Variants in SMIM35 observed in about 807,000 individuals in gnomAD.
SMIM35 encodes small integral membrane protein 35, also known as TMPRSS4 antisense RNA 1 (non-protein coding).
Position 118,005,424 on chromosome 11 carries a change from T to C in SMIM35, c.*986A>G, listed in dbSNP as rs2058116156. 1 of 152,268 alleles carries C rather than the reference T, an allele frequency of 6.6e-6. No individual in the cohort carries two copies. 9.4% of individuals were successfully genotyped at this position (152,268 alleles called of 1,614,324 possible). On this transcript the variant is annotated 3_prime_UTR_variant, in exon 5 of 5. Transcript: ENST00000689828. ...CCTTTAAGTGTTATCTGGATGCTGG[T>C]GGCTTCCAAATGTCCAAACAGGGTT...
chr11:118,016,399 AG>A (rs2058183478), intron 1 of SMIM35, among the ~76,000 whole-genome samples: 1 of 152,240 alleles, frequency 6.6e-6, no homozygotes, highest in African/African-American at 2.4e-5. Flanking sequence ...GAGATGAGAT[AG>A]GCCATGGTAG....
intron 4 of SMIM35, among the ~76,000 whole-genome samples, chr11:118,007,528 G>A (rs568983866): frequency 1.3e-5 from 2 of 151,734 alleles, no homozygotes; most frequent in South Asian, 2.1e-4. Flanking sequence ...CCCAAATAGT[G>A]GGGGCTACAG....
intron 1 of SMIM35, among the ~76,000 whole-genome samples, chr11:118,045,213 G>C (rs185844350): frequency 3.2e-4 from 49 of 152,214 alleles, no homozygotes; most frequent in African/African-American, 1.2e-3. Flanking sequence ...TCTCCAGCTG[G>C]AATCAAGAAT....
At position 118,005,869 on chromosome 11, in the gene SMIM35, T is replaced by A. The variant is rs1482027796; in HGVS notation, c.*541A>T. ...AGAGCTGCATGGGCTCCCCCAGAAC[T>A]GGAGGAGCTGGGCAGTAAGCAGATG... On this transcript the variant is annotated 3_prime_UTR_variant, in exon 5 of 5. Coordinates refer to ENST00000689828, the MANE Select transcript of SMIM35 (RefSeq NM_001394165.1). 6.6e-6 allele frequency: 1 copy of A among 152,292 alleles called. No homozygotes were observed. Among genetic ancestry groups the A allele is most frequent in the East Asian group, 1.9e-4 (1 of 5,188 alleles). The allele number at this position is 152,292 out of a possible 1,614,324, so 9.4% of individuals were successfully genotyped here.
At chr11:118,085,566 A>G (rs1188246867) in intron 1 of SMIM35, among the ~76,000 whole-genome samples, 1 of 152,214 alleles carries the variant, frequency 6.6e-6, no homozygotes, top group Non-Finnish European at 1.5e-5. Context: ...GAAAGATGGT[A>G]TAAACTCTGT....
intron 1 of SMIM35, among the ~76,000 whole-genome samples, chr11:118,054,161 TTTGTTTTG>T (rs1275519856): frequency 5.2e-5 from 6 of 115,214 alleles, no homozygotes; most frequent in Non-Finnish European, 9.5e-5. Context: ...TTGGGATTTT[TTTGTTTTG>T]TTTTTTTGTT....
chr11:118,074,652 C>T (rs1046641792), intron 1 of SMIM35, among the ~76,000 whole-genome samples: 1 of 150,774 alleles, frequency 6.6e-6, no homozygotes, highest in Non-Finnish European at 1.5e-5. Context: ...GGGACTGAGG[C>T]GGGGGAATCC....
chr11:118,030,903 A>G (rs2058313650), intron 1 of SMIM35, among the ~76,000 whole-genome samples: 1 of 152,096 alleles, frequency 6.6e-6, no homozygotes, highest in Admixed American at 6.5e-5. Context: ...AAGAAAGGCC[A>G]TGATGGTGCA....
At chr11:118,048,983 G>A (rs1944162332) in intron 1 of SMIM35, among the ~76,000 whole-genome samples, 1 of 125,566 alleles carries the variant, frequency 8.0e-6, no homozygotes, top group African/African-American at 3.1e-5. Context: ...AAACGATGAT[G>A]ATTTTGCCAA....
At chr11:118,081,688 G>A (rs894827289) in intron 1 of SMIM35, among the ~76,000 whole-genome samples, 1 of 152,218 alleles carries the variant, frequency 6.6e-6, no homozygotes, top group Admixed American at 6.5e-5. Context: ...CCGCTGGTGC[G>A]GTTGAGCCAA....
At chr11:118,081,606 G>A (rs1048725912) in intron 1 of SMIM35, among the ~76,000 whole-genome samples, 4 of 152,346 alleles carry the variant, frequency 2.6e-5, no homozygotes, top group East Asian at 1.9e-4. Context: ...CCAGGCGTGC[G>A]CACCTGTCCA....
intron 4 of SMIM35, among the ~76,000 whole-genome samples, chr11:118,009,347 G>C (rs1186529309): frequency 2.0e-5 from 3 of 152,210 alleles, no homozygotes; most frequent in Non-Finnish European, 4.4e-5. Context: ...ATAGATTCTT[G>C]CTTGGCCTTG....
chr11:118,080,464 C>T (rs760543100), intron 1 of SMIM35, among the ~76,000 whole-genome samples: 15 of 152,182 alleles, frequency 9.9e-5, no homozygotes, highest in Admixed American at 3.3e-4. Context: ...TCTCCCAGGG[C>T]GCTTCCAGCC....
At chr11:118,048,945 G>GAAAAAAAAAAAAAAA (rs1565391493) in intron 1 of SMIM35, among the ~76,000 whole-genome samples, 1 of 14,174 alleles carries the variant, frequency 7.1e-5, no homozygotes, top group Non-Finnish European at 2.0e-4. Flanking sequence ...CTGAAGAGCT[G>GAAAAAAAAAAAAAAA]CAAAAAAAAA....
intron 1 of SMIM35, among the ~76,000 whole-genome samples, chr11:118,072,287 C>T (rs1028371985): frequency 6.6e-6 from 1 of 152,072 alleles, no homozygotes; most frequent in Non-Finnish European, 1.5e-5. Context: ...GTCAGCAGTT[C>T]GAGATCAGCC....
intron 1 of SMIM35, among the ~76,000 whole-genome samples, chr11:118,020,374 CTCTT>C (rs1455701935): frequency 2.0e-5 from 3 of 152,196 alleles, no homozygotes; most frequent in Non-Finnish European, 4.4e-5. Flanking sequence ...GAGTACTTTT[CTCTT>C]TCTTGTGAAT....
chr11:118,033,885 G>A (rs771741427), intron 1 of SMIM35, among the ~76,000 whole-genome samples: 2 of 152,160 alleles, frequency 1.3e-5, no homozygotes, highest in Non-Finnish European at 2.9e-5. Context: ...GTGTCCATGA[G>A]CAAGATACTT....
intron 1 of SMIM35, among the ~76,000 whole-genome samples, chr11:118,084,847 G>A (rs1945421359): frequency 1.3e-5 from 2 of 152,150 alleles, no homozygotes; most frequent in South Asian, 4.1e-4. Context: ...ACTTGCTCAA[G>A]ACTTCATGGC....
chr11:118,075,526 T>C (rs981800209), intron 1 of SMIM35, among the ~76,000 whole-genome samples: 1 of 152,232 alleles, frequency 6.6e-6, no homozygotes, highest in African/African-American at 2.4e-5. Context: ...AGCCTGGCAG[T>C]GTGAACCAGT....
Sources: allele counts gnomAD v4.1 joint callset (sites outside exome capture counted in the v4.1 genomes callset), GRCh38; gene constraint gnomAD v4.1.1; transcripts MANE v1.5; gene names NCBI Gene and HGNC (gene_info 2026-07-23, HGNC 2026-07-21).